Variants in LDAH observed in about 807,000 individuals in gnomAD.
LDAH encodes the protein lipid droplet-associated hydrolase.
A neutral mutation model predicts 29.6 loss-of-function variants in LDAH; 26 were observed. That is an observed-to-expected ratio of 0.88 (90% CI 0.64 to 1.22). LDAH has a LOEUF of 1.22. Ranked by LOEUF, LDAH falls within the 50% of genes most tolerant of loss-of-function variation. The probability of loss-of-function intolerance (pLI) is 0.00; values close to 1 mark genes in which losing one functional copy is unlikely to be tolerated. For missense variants in LDAH, 344 were observed against 387.3 expected (o/e 0.89, Z 0.94); for synonymous variants, 117 against 133.0 (o/e 0.88, Z 0.83).
chr2:20,774,595 C>A (rs1669663879), intron 4 of LDAH, among the ~76,000 whole-genome samples: 1 of 152,224 alleles, frequency 6.6e-6, no homozygotes, highest in Non-Finnish European at 1.5e-5. Context: ...TCAGAAACTT[C>A]TTATCTCCCT....
chr2:20,710,606 G>GTGTGTGTATATATATATATA (rs1467950593), intron 5 of LDAH, among the ~76,000 whole-genome samples: 26 of 131,866 alleles, frequency 2.0e-4, no homozygotes, highest in African/African-American at 6.6e-4. Context: ...GTGTGTGTGT[G>GTGTGTGTATATATATATATA]TATATATATA....
At chr2:20,747,019 T>TTTATTA (rs886348860) in intron 4 of LDAH, among the ~76,000 whole-genome samples, 1 of 152,152 alleles carries the variant, frequency 6.6e-6, no homozygotes, top group African/African-American at 2.4e-5. Flanking sequence ...TTTTCTTGAA[T>TTTATTA]TTATTATTAT....
At chr2:20,712,240 A>G (rs1163064291) in intron 5 of LDAH, among the ~76,000 whole-genome samples, 2 of 152,218 alleles carry the variant, frequency 1.3e-5, no homozygotes, top group African/African-American at 2.4e-5. Context: ...TACCCAGGCA[A>G]GCAGGGTCTG....
At chr2:20,809,925 G>A (rs554513342) in intron 1 of LDAH, among the ~76,000 whole-genome samples, 41 of 152,256 alleles carry the variant, frequency 2.7e-4, no homozygotes, top group South Asian at 1.2e-3. Flanking sequence ...GTTTTCCAAG[G>A]AACATGTATC....
At chr2:20,734,038 T>C (rs188712032) in intron 5 of LDAH, among the ~76,000 whole-genome samples, 1 of 152,300 alleles carries the variant, frequency 6.6e-6, no homozygotes, top group African/African-American at 2.4e-5. Flanking sequence ...ATCAATTCTG[T>C]TTTGGGTGAA....
intron 5 of LDAH, among the ~76,000 whole-genome samples, chr2:20,703,869 CT>C (rs1300969234): frequency 5.9e-5 from 9 of 152,156 alleles, no homozygotes; most frequent in Non-Finnish European, 1.2e-4. Context: ...TATGCCAGGC[CT>C]TATTTTAGGC....
In LDAH at chr2:20,693,711, C is replaced by T. The variant is rs929183473; in HGVS notation, c.787-6617G>A. Among the ~76,000 whole-genome samples the T allele has an allele frequency of 5.3e-5, 8 of 152,222 alleles. 1 individual carries two copies. In the South Asian group the frequency reaches 1.2e-3, roughly 24 times the overall value. ...GCATCTTCCAAATGAAGAAAGGCAC[C>T]GACATTCTGGGAGTTACTTTTCTTC... On this transcript the variant is annotated intron_variant, in intron 6 of 6. Transcript: ENST00000237822.
chr2:20,692,118 T>G (rs1414688011), intron 6 of LDAH, among the ~76,000 whole-genome samples: 1 of 152,194 alleles, frequency 6.6e-6, no homozygotes, highest in Non-Finnish European at 1.5e-5. Flanking sequence ...CCATCCCATA[T>G]CTGGTACTAG....
intron 6 of LDAH, among the ~76,000 whole-genome samples, chr2:20,689,044 T>C (rs1662802987): frequency 1.3e-5 from 2 of 151,852 alleles, no homozygotes; most frequent in Admixed American, 6.6e-5. Context: ...TGTGTCCATG[T>C]GTTCTCATTG....
chr2:20,713,789 A>G (rs1031555585), intron 5 of LDAH, among the ~76,000 whole-genome samples: 7 of 152,096 alleles, frequency 4.6e-5, no homozygotes, highest in Non-Finnish European at 1.0e-4. Context: ...AGACAAGGCC[A>G]TTACGTAACG....
intron 4 of LDAH, among the ~76,000 whole-genome samples, chr2:20,742,916 C>T (rs545167282): frequency 7.3e-5 from 11 of 151,438 alleles, no homozygotes; most frequent in East Asian, 2.0e-4. Flanking sequence ...CACACCACCA[C>T]GCCTGGCTAA....
At chr2:20,789,825 T>G (rs1020000360) in intron 3 of LDAH, among the ~76,000 whole-genome samples, 1 of 152,060 alleles carries the variant, frequency 6.6e-6, no homozygotes, top group African/African-American at 2.4e-5. Flanking sequence ...CAGATCTAGG[T>G]TGCACACCTG....
chr2:20,707,520 G>C (rs1171317672), intron 5 of LDAH, among the ~76,000 whole-genome samples: 1 of 152,214 alleles, frequency 6.6e-6, no homozygotes, highest in Non-Finnish European at 1.5e-5. Context: ...GTTTGGGGAG[G>C]CTACCGCAGT....
At chr2:20,731,339 C>G (rs1335391590) in intron 5 of LDAH, among the ~76,000 whole-genome samples, 1 of 152,166 alleles carries the variant, frequency 6.6e-6, no homozygotes, top group Non-Finnish European at 1.5e-5. Flanking sequence ...AAGTGTGTGG[C>G]ACCTCTCCCA....
At chr2:20,746,924 C>G (rs756093524) in intron 4 of LDAH, among the ~76,000 whole-genome samples, 3 of 152,084 alleles carry the variant, frequency 2.0e-5, no homozygotes, top group Non-Finnish European at 4.4e-5. Flanking sequence ...TTTTCTTGAA[C>G]AGTACAGGAA....
intron 6 of LDAH, among the ~76,000 whole-genome samples, chr2:20,691,562 G>GA (rs988332197): frequency 2.0e-5 from 3 of 152,202 alleles, no homozygotes; most frequent in African/African-American, 7.2e-5. Flanking sequence ...TAACTGCCAT[G>GA]AAAGTACTGG....
At chr2:20,749,737 T>C (rs1361344313) in intron 4 of LDAH, among the ~76,000 whole-genome samples, 1 of 152,204 alleles carries the variant, frequency 6.6e-6, no homozygotes. Flanking sequence ...ATATAAGCAG[T>C]TAACTCACAG....
intron 4 of LDAH, among the ~76,000 whole-genome samples, chr2:20,774,522 T>C (rs879468521): frequency 7.9e-5 from 12 of 152,204 alleles, no homozygotes; most frequent in African/African-American, 1.4e-4. Context: ...TATTTCTTTA[T>C]AAAAAACAGC....
intron 3 of LDAH, among the ~76,000 whole-genome samples, chr2:20,778,333 C>G (rs1044590235): frequency 1.3e-5 from 2 of 151,408 alleles, no homozygotes; most frequent in African/African-American, 4.8e-5. Flanking sequence ...AAGGTACACA[C>G]AACTTGTTCT....
Sources: allele counts gnomAD v4.1 joint callset (sites outside exome capture counted in the v4.1 genomes callset), GRCh38; gene constraint gnomAD v4.1.1; transcripts MANE v1.5; gene names NCBI Gene and HGNC (gene_info 2026-07-23, HGNC 2026-07-21).